The following XPR1 variants were observed in gnomAD, a reference collection of about 807,000 sequenced individuals.
The protein encoded by XPR1 is xenotropic and polytropic retrovirus receptor 1.
In XPR1, 28 loss-of-function variants were observed where a neutral mutation model predicts 87.5. That is an observed-to-expected ratio of 0.32 (90% CI 0.24 to 0.44). The LOEUF is 0.44. XPR1 is among the 20% of genes least tolerant of loss of function. The pLI is 1.00. For synonymous variants in XPR1, 300 were observed against 306.1 expected, an observed-to-expected ratio of 0.98 and a Z score of 0.21; for missense variants, 559 against 862.3, an observed-to-expected ratio of 0.65 and a Z score of 4.41.
At chr1:180,687,447 A>G (rs188586767) in intron 2 of XPR1, among the ~76,000 whole-genome samples, 209 of 152,324 alleles carry the variant, frequency 1.4e-3, no homozygotes, top group Non-Finnish European at 2.4e-3. Context: ...CAAGAAAAAC[A>G]TCTGCACACA....
At chr1:180,687,385 T>G (rs1656820818) in intron 2 of XPR1, among the ~76,000 whole-genome samples, 1 of 152,172 alleles carries the variant, frequency 6.6e-6, no homozygotes, top group South Asian at 2.1e-4. Context: ...AGACATTAAC[T>G]TCTTTGGGCC....
At chr1:180,807,952 C>T (rs922201534) in intron 6 of XPR1, among the ~76,000 whole-genome samples, 6 of 152,042 alleles carry the variant, frequency 3.9e-5, no homozygotes, top group Admixed American at 2.0e-4. Flanking sequence ...TGCAGTGAGC[C>T]GAGATCGCGC....
chr1:180,683,227 G>T (rs1190974340), intron 2 of XPR1, among the ~76,000 whole-genome samples: 1 of 150,448 alleles, frequency 6.6e-6, no homozygotes, highest in African/African-American at 2.5e-5. Context: ...TTGGTTTTTT[G>T]TCCTTGCGAT....
intron 7 of XPR1, among the ~76,000 whole-genome samples, chr1:180,823,207 C>CTCCAA (rs936851363): frequency 1.3e-5 from 2 of 151,428 alleles, no homozygotes; most frequent in African/African-American, 4.9e-5. Context: ...CACCACTGCA[C>CTCCAA]TCCAGTCTGA....
intron 3 of XPR1, among the ~76,000 whole-genome samples, chr1:180,802,667 T>A (rs1193288672): frequency 6.6e-6 from 1 of 152,196 alleles, no homozygotes; most frequent in Non-Finnish European, 1.5e-5. Context: ...TCGTACCCAT[T>A]AGCAATCACT....
chr1:180,642,468 C>T (rs1185281905), intron 1 of XPR1, among the ~76,000 whole-genome samples: 1 of 151,862 alleles, frequency 6.6e-6, no homozygotes, highest in Non-Finnish European at 1.5e-5. Flanking sequence ...AACAACAGCT[C>T]ATGTTTGTTG....
intron 2 of XPR1, among the ~76,000 whole-genome samples, chr1:180,732,564 G>GT (rs1460733782): frequency 3.9e-5 from 6 of 152,170 alleles, no homozygotes; most frequent in Non-Finnish European, 8.8e-5. Flanking sequence ...CCCTCACAGG[G>GT]TGTGCAATGG....
At chr1:180,657,103 C>G (rs1441546725) in intron 1 of XPR1, among the ~76,000 whole-genome samples, 6 of 152,152 alleles carry the variant, frequency 3.9e-5, no homozygotes, top group Admixed American at 3.3e-4. Context: ...TGTTGAGCAC[C>G]TTTTCATATG....
chr1:180,694,891 CTTTGA>C (rs1161965792), intron 2 of XPR1, among the ~76,000 whole-genome samples: 1 of 151,994 alleles, frequency 6.6e-6, no homozygotes, highest in Non-Finnish European at 1.5e-5. Context: ...GCTGATATCC[CTTTGA>C]TATACTAATT....
chr1:180,673,721 G>A (rs1012766658), intron 1 of XPR1, among the ~76,000 whole-genome samples: 1 of 152,208 alleles, frequency 6.6e-6, no homozygotes, highest in African/African-American at 2.4e-5. Flanking sequence ...ATTATCTGAA[G>A]TGGAACAGTT....
chr1:180,682,610 C>T (rs1020281417), intron 2 of XPR1, among the ~76,000 whole-genome samples, 199 bp downstream of exon 2: 2 of 151,688 alleles, frequency 1.3e-5, no homozygotes, highest in African/African-American at 4.8e-5. Context: ...TACCCTATGA[C>T]GGATCTTTTA....
chr1:180,845,774 G>C (rs1651660380), intron 11 of XPR1, among the ~76,000 whole-genome samples: 1 of 83,328 alleles, frequency 1.2e-5, no homozygotes, highest in Non-Finnish European at 2.6e-5. Flanking sequence ...ACCTGAGCCT[G>C]CTGACACACT....
chr1:180,786,716 A>G (rs1332955187), intron 2 of XPR1, among the ~76,000 whole-genome samples: 2 of 152,206 alleles, frequency 1.3e-5, no homozygotes, highest in Non-Finnish European at 2.9e-5. Flanking sequence ...CTCCTGAAAA[A>G]TGGAAAGATT....
At chr1:180,794,310 A>G (rs1284500401) in intron 3 of XPR1, among the ~76,000 whole-genome samples, 1 of 152,268 alleles carries the variant, frequency 6.6e-6, no homozygotes, top group Non-Finnish European at 1.5e-5. Flanking sequence ...TACAGTAAAA[A>G]TAAAGTATTA....
chr1:180,716,609 T>C (rs1004385099), intron 2 of XPR1, among the ~76,000 whole-genome samples: 6 of 152,246 alleles, frequency 3.9e-5, no homozygotes, highest in Non-Finnish European at 8.8e-5. Context: ...GCTTTATTTT[T>C]GGCTCTTACC....
At chr1:180,679,696 T>G (rs1043945289) in intron 1 of XPR1, among the ~76,000 whole-genome samples, 2 of 152,146 alleles carry the variant, frequency 1.3e-5, no homozygotes, top group African/African-American at 2.4e-5. Flanking sequence ...TAATCTAGAG[T>G]GTGGTTTTGG....
chr1:180,794,006 G>A (rs1010348168), intron 3 of XPR1, among the ~76,000 whole-genome samples: 1 of 151,872 alleles, frequency 6.6e-6, no homozygotes, highest in Non-Finnish European at 1.5e-5. Flanking sequence ...GTAAATAATG[G>A]GTTTTTTTTA....
At chr1:180,719,357 T>C (rs1420973681) in intron 2 of XPR1, among the ~76,000 whole-genome samples, 2 of 152,250 alleles carry the variant, frequency 1.3e-5, no homozygotes, top group East Asian at 3.8e-4. Context: ...TTTAGAATTT[T>C]ATTTCTTAGG....
In XPR1 at chr1:180,835,343, A is replaced by G. The variant is rs141053595; in HGVS notation, c.1306+298A>G. On this transcript the variant is annotated intron_variant, in intron 10 of 14. Transcript: ENST00000367590. ...ATATTGCAAGTGCTTTCATGCCAGC[A>G]ATTTGTTGTCTCACTATTGCTGTAT... Among the ~76,000 whole-genome samples, 1,183 of 152,308 alleles carry G rather than the reference A, an allele frequency of 7.8e-3. 17 individuals are homozygous for G. The highest frequency in any genetic ancestry group is 0.027 in the African/African-American group (1,130 of 41,556).
Sources: allele counts gnomAD v4.1 joint callset (sites outside exome capture counted in the v4.1 genomes callset), GRCh38; gene constraint gnomAD v4.1.1; transcripts MANE v1.5; gene names NCBI Gene and HGNC (gene_info 2026-07-23, HGNC 2026-07-21).